Variants in TPD52L1 observed in about 807,000 individuals in gnomAD.
TPD52L1 encodes the protein TPD52 like 1.
TPD52L1 carries 18 observed loss-of-function variants against 28.7 expected under a neutral mutation model. That is an observed-to-expected ratio of 0.63 (90% CI 0.43 to 0.93). The LOEUF (loss-of-function observed/expected upper bound fraction) is 0.93. TPD52L1 is among the 40% of genes least tolerant of loss of function. The pLI is 0.00. For synonymous variants in TPD52L1, 75 were observed against 88.8 expected, an observed-to-expected ratio of 0.84 and a Z score of 0.88; for missense variants, 203 against 254.8, an observed-to-expected ratio of 0.80 and a Z score of 1.39.
intron 2 of TPD52L1, among the ~76,000 whole-genome samples, chr6:125,222,448 G>T (rs1438151041): frequency 6.6e-6 from 1 of 152,184 alleles, no homozygotes; most frequent in Admixed American, 6.5e-5. Context: ...CAGGCACTCA[G>T]TTGTGGTCAT....
chr6:125,220,657 G>A (rs891301275), intron 2 of TPD52L1, among the ~76,000 whole-genome samples: 1 of 152,140 alleles, frequency 6.6e-6, no homozygotes, highest in Non-Finnish European at 1.5e-5. Flanking sequence ...TTTATAAGTT[G>A]TGTACTTTTT....
At chr6:125,187,943 A>G (rs182258368) in intron 1 of TPD52L1, among the ~76,000 whole-genome samples, 27 of 150,654 alleles carry the variant, frequency 1.8e-4, no homozygotes, top group African/African-American at 6.4e-4. Flanking sequence ...TTTTTTTTTA[A>G]TGATGTCGAG....
chr6:125,228,433 A>G (rs563195745), intron 2 of TPD52L1, among the ~76,000 whole-genome samples: 3 of 152,252 alleles, frequency 2.0e-5, no homozygotes, highest in African/African-American at 2.4e-5. Context: ...ACTCTTTTAC[A>G]TACATCCTCT....
intron 1 of TPD52L1, among the ~76,000 whole-genome samples, chr6:125,215,546 C>T (rs754458025): frequency 6.6e-6 from 1 of 152,148 alleles, no homozygotes; most frequent in Admixed American, 6.5e-5. Flanking sequence ...GCAACCTGGT[C>T]TCTGGGCAGA....
chr6:125,198,890 C>CTGCAATCACA (rs1369624942), intron 1 of TPD52L1, among the ~76,000 whole-genome samples: 20 of 152,094 alleles, frequency 1.3e-4, no homozygotes, highest in African/African-American at 4.6e-4. Context: ...CACACAGTTC[C>CTGCAATCACA]CTACAATCAC....
chr6:125,204,638 C>A (rs1408068296), intron 1 of TPD52L1, among the ~76,000 whole-genome samples: 1 of 152,090 alleles, frequency 6.6e-6, no homozygotes, highest in East Asian at 1.9e-4. Context: ...CGCCGTCACG[C>A]CCGGGTAACT....
chr6:125,226,218 T>C (rs1795599757), intron 2 of TPD52L1, among the ~76,000 whole-genome samples: 1 of 152,228 alleles, frequency 6.6e-6, no homozygotes, highest in East Asian at 1.9e-4. Context: ...GTTAGAATTT[T>C]ATTATAGAAT....
intron 1 of TPD52L1, among the ~76,000 whole-genome samples, chr6:125,216,828 T>C (rs1794925002): frequency 6.6e-6 from 1 of 151,998 alleles, no homozygotes. Context: ...GTTACCGTGT[T>C]GGCAGTGACA....
At chr6:125,227,026 T>C (rs1795655680) in intron 2 of TPD52L1, among the ~76,000 whole-genome samples, 1 of 152,210 alleles carries the variant, frequency 6.6e-6, no homozygotes, top group Admixed American at 6.5e-5. Context: ...CTGAAGACTC[T>C]TGCTCATCAA....
chr6:125,176,582 T>C (rs917273948), intron 1 of TPD52L1, among the ~76,000 whole-genome samples: 12 of 152,218 alleles, frequency 7.9e-5, no homozygotes, highest in African/African-American at 2.9e-4. Flanking sequence ...TTGCTGGCCT[T>C]ATACTAATAC....
At chr6:125,165,665 C>A (rs1451201420) in intron 1 of TPD52L1, among the ~76,000 whole-genome samples, 1 of 152,160 alleles carries the variant, frequency 6.6e-6, no homozygotes, top group Non-Finnish European at 1.5e-5. Flanking sequence ...TGACATATAT[C>A]TAAAATATGG....
chr6:125,162,553 A>G (rs1790595014), intron 1 of TPD52L1, among the ~76,000 whole-genome samples: 1 of 152,226 alleles, frequency 6.6e-6, no homozygotes, highest in African/African-American at 2.4e-5. Flanking sequence ...CAAATATTTG[A>G]CAAGCACATA....
At chr6:125,220,313 AT>A in intron 2 of TPD52L1, 120 bp downstream of exon 2, 1 of 666,368 alleles carries the variant, frequency 1.5e-6, no homozygotes, top group Non-Finnish European at 2.5e-6. Context: ...ATTTAATAAA[AT>A]TTATAAATGA....
At chr6:125,241,914 A>G (rs568873875) in intron 3 of TPD52L1, among the ~76,000 whole-genome samples, 1 of 149,560 alleles carries the variant, frequency 6.7e-6, no homozygotes, top group African/African-American at 2.5e-5. Flanking sequence ...ATGTGACATT[A>G]GGTTGTCTAT....
chr6:125,191,328 T>C (rs1793023531), intron 1 of TPD52L1, among the ~76,000 whole-genome samples: 1 of 152,208 alleles, frequency 6.6e-6, no homozygotes, highest in Non-Finnish European at 1.5e-5. Context: ...TCCACTTGCT[T>C]GATGTGTTTC....
At chr6:125,208,927 G>C (rs1794335770) in intron 1 of TPD52L1, 1 of 985,294 alleles carries the variant, frequency 1.0e-6, no homozygotes, top group Non-Finnish European at 1.2e-6. Context: ...GCAGGCCCAA[G>C]GTGTAGCTCA....
chr6:125,237,678 A>G (rs1242154353), intron 3 of TPD52L1, among the ~76,000 whole-genome samples: 1 of 151,922 alleles, frequency 6.6e-6, no homozygotes, highest in Non-Finnish European at 1.5e-5. Flanking sequence ...CCTCACTTCC[A>G]ACTCCTTTAT....
chr6:125,181,565 C>T (rs1582874763), intron 1 of TPD52L1, among the ~76,000 whole-genome samples: 1 of 152,184 alleles, frequency 6.6e-6, no homozygotes, highest in East Asian at 1.9e-4. Flanking sequence ...TACACGAGTA[C>T]TGAGGAAAGA....
intron 2 of TPD52L1, among the ~76,000 whole-genome samples, chr6:125,226,931 C>T (rs1237502332): frequency 6.6e-6 from 1 of 152,160 alleles, no homozygotes; most frequent in Non-Finnish European, 1.5e-5. Context: ...AGTGTATTCT[C>T]ATTTAATGGA....
Sources: gnomAD v4.1 joint callset for allele counts (sites outside exome capture counted in the v4.1 genomes callset) on GRCh38, gnomAD v4.1.1 for gene constraint, MANE v1.5 for transcripts, NCBI Gene and HGNC (gene_info 2026-07-23, HGNC 2026-07-21) for gene names.